ENTREP2: variants seen among roughly 807,000 people sequenced by gnomAD.
The protein encoded by ENTREP2 is endosomal transmembrane epsin interactor 2.
At chr15:29,300,287 G>A in the ENTREP2 span, among the ~76,000 whole-genome samples, 3 of 81,314 alleles carry the variant, frequency 3.7e-5, no homozygotes, top group South Asian at 5.6e-4. Flanking sequence ...CAGATGAATC[G>A]GTAGGTGGGT....
the ENTREP2 span, among the ~76,000 whole-genome samples, chr15:29,138,667 GTGTGTCTCTGTGTGTA>G: frequency 6.7e-6 from 1 of 148,240 alleles, no homozygotes; most frequent in South Asian, 2.2e-4. Context: ...ATGTAGATGT[GTGTGTCTCTGTGTGTA>G]TGTGTATGTG....
At chr15:29,450,260 G>T in the ENTREP2 span, among the ~76,000 whole-genome samples, 4 of 152,098 alleles carry the variant, frequency 2.6e-5, no homozygotes, top group African/African-American at 9.7e-5. Flanking sequence ...TGTACCATTT[G>T]TCAATTTTTG....
At chr15:29,400,967 T>C in the ENTREP2 span, among the ~76,000 whole-genome samples, 2 of 152,250 alleles carry the variant, frequency 1.3e-5, no homozygotes, top group African/African-American at 4.8e-5. Flanking sequence ...GGCCTTCTGA[T>C]GCACTACGTG....
At chr15:29,379,079 C>A in the ENTREP2 span, among the ~76,000 whole-genome samples, 3 of 152,228 alleles carry the variant, frequency 2.0e-5, no homozygotes, top group African/African-American at 7.2e-5. Context: ...CATACACTTC[C>A]GTCTGCAGTG....
chr15:29,418,265 CCT>C, the ENTREP2 span, among the ~76,000 whole-genome samples: 2 of 152,298 alleles, frequency 1.3e-5, no homozygotes, highest in East Asian at 3.9e-4. Context: ...AATATGCTTT[CCT>C]TTTCTTTAAG....
chr15:29,486,177 G>GACAC, the ENTREP2 span, among the ~76,000 whole-genome samples: 375 of 150,444 alleles, frequency 2.5e-3, 5 homozygotes, highest in Middle Eastern at 0.01. Context: ...GAAAATGGGA[G>GACAC]ACACACACAC....
At chr15:29,298,930 C>G in the ENTREP2 span, among the ~76,000 whole-genome samples, 24,704 of 152,102 alleles carry the variant, frequency 0.16, 3,371 homozygotes, top group African/African-American at 0.38. Context: ...TGAACCATCT[C>G]TCTCATGAAC....
At chr15:29,131,933 A>ACGGCATC in the ENTREP2 span, among the ~76,000 whole-genome samples, 3,656 of 20,548 alleles carry the variant, frequency 0.18, 250 homozygotes, top group East Asian at 0.57. Context: ...AGGAAAGAGA[A>ACGGCATC]TGGCATCTGA....
the ENTREP2 span, among the ~76,000 whole-genome samples, chr15:29,422,653 C>T: frequency 6.6e-6 from 1 of 152,224 alleles, no homozygotes; most frequent in South Asian, 2.1e-4. Flanking sequence ...CCCCCACCCT[C>T]TACCATCTCA....
chr15:29,253,269 C>G, the ENTREP2 span, among the ~76,000 whole-genome samples: 1 of 152,148 alleles, frequency 6.6e-6, no homozygotes, highest in Non-Finnish European at 1.5e-5. Context: ...ACTTTTTCCT[C>G]TGTGAAATTT....
the ENTREP2 span, among the ~76,000 whole-genome samples, chr15:29,136,086 G>A: frequency 3.9e-5 from 6 of 152,226 alleles, no homozygotes; most frequent in East Asian, 1.9e-4. Flanking sequence ...CACCAGCACT[G>A]GGTTCCCCAG....
the ENTREP2 span, among the ~76,000 whole-genome samples, chr15:29,331,473 T>G: frequency 6.6e-6 from 1 of 152,150 alleles, no homozygotes; most frequent in South Asian, 2.1e-4. Flanking sequence ...TCCTTGGCAC[T>G]GATGCTCAAA....
chr15:29,282,774 G>A, the ENTREP2 span, among the ~76,000 whole-genome samples: 3 of 152,210 alleles, frequency 2.0e-5, no homozygotes. Flanking sequence ...AGGCATACCG[G>A]TCTGTTCTTG....
the ENTREP2 span, among the ~76,000 whole-genome samples, chr15:29,220,025 A>G: frequency 2.0e-5 from 3 of 152,196 alleles, no homozygotes; most frequent in Non-Finnish European, 2.9e-5. Context: ...AATAAAAAAT[A>G]AAAATAAAAA....
the ENTREP2 span, among the ~76,000 whole-genome samples, chr15:29,435,324 A>C: frequency 6.6e-6 from 1 of 152,048 alleles, no homozygotes; most frequent in Non-Finnish European, 1.5e-5. Flanking sequence ...AAGGGGAAGT[A>C]ATATAAATTT....
At chr15:29,574,928 G>A in the ENTREP2 span, among the ~76,000 whole-genome samples, 1 of 152,092 alleles carries the variant, frequency 6.6e-6, no homozygotes. Flanking sequence ...GAAACCAGGG[G>A]GACTTTTTTT....
At chr15:29,338,611 GAGCTCCTCGGCC>G in the ENTREP2 span, among the ~76,000 whole-genome samples, 4 of 151,902 alleles carry the variant, frequency 2.6e-5, no homozygotes, top group East Asian at 7.8e-4. Context: ...GTGTCTGGAA[GAGCTCCTCGGCC>G]AGCCATCACT....
At chr15:29,123,797 TC>T in the ENTREP2 span, 2 of 781,074 alleles carry the variant, frequency 2.6e-6, no homozygotes, top group Non-Finnish European at 4.0e-6. Context: ...TGCCCTGCTG[TC>T]CCCATCCCTC....
the ENTREP2 span, among the ~76,000 whole-genome samples, chr15:29,589,589 G>A: frequency 6.6e-6 from 1 of 152,196 alleles, no homozygotes; most frequent in Non-Finnish European, 1.5e-5. Flanking sequence ...GGAAACTGTG[G>A]CCATGAACAC....
Sources: gnomAD v4.1 joint callset for allele counts (sites outside exome capture counted in the v4.1 genomes callset) on GRCh38, gnomAD v4.1.1 for gene constraint, MANE v1.5 for transcripts, NCBI Gene and HGNC (gene_info 2026-07-23, HGNC 2026-07-21) for gene names.